Variants in UGT2B7 observed in about 807,000 individuals in gnomAD.
The protein encoded by UGT2B7 is UDP-glucuronosyltransferase 2B7.
UGT2B7 carries 51 observed loss-of-function variants against 51.9 expected under a neutral mutation model. That is an observed-to-expected ratio of 0.98 (90% confidence interval 0.78 to 1.24). The LOEUF is 1.24. Among genes scored for constraint, UGT2B7 ranks in the 50% most tolerant of loss-of-function variants. UGT2B7 has a pLI of 0.00. For synonymous variants in UGT2B7, 225 were observed against 211.6 expected (o/e 1.06, Z -0.55); for missense variants, 727 against 628.4 (o/e 1.16, Z -1.68).
At chr4:69,071,292 G>A (rs1245158674) in intron 1 of UGT2B7, among the ~76,000 whole-genome samples, 2 of 152,050 alleles carry the variant, frequency 1.3e-5, no homozygotes, top group African/African-American at 4.8e-5. Flanking sequence ...CTGGAATACT[G>A]AGGATATACA....
chr4:69,112,140 A>G (rs1464549997), intron 5 of UGT2B7, among the ~76,000 whole-genome samples: 1 of 152,236 alleles, frequency 6.6e-6, no homozygotes, highest in African/African-American at 2.4e-5. Context: ...TGTTATCTAT[A>G]GATTCCAGAC....
intron 5 of UGT2B7, among the ~76,000 whole-genome samples, chr4:69,111,684 A>G (rs1719778599): frequency 6.6e-6 from 1 of 152,210 alleles, no homozygotes; most frequent in Non-Finnish European, 1.5e-5. Flanking sequence ...ATAAATATAT[A>G]CACTTAATAT....
chr4:69,057,380 G>A (rs1718230287), intron 1 of UGT2B7, among the ~76,000 whole-genome samples: 1 of 152,144 alleles, frequency 6.6e-6, no homozygotes, highest in Admixed American at 6.5e-5. Context: ...ATTAATAATA[G>A]AGGAAATGTA....
intron 2 of UGT2B7, among the ~76,000 whole-genome samples, chr4:69,102,348 T>G (rs6600884): frequency 0.63 from 95,030 of 151,906 alleles, 31,206 homozygotes; most frequent in African/African-American, 0.81. Flanking sequence ...AACCACTAAC[T>G]GTTTCCAACT....
intron 2 of UGT2B7, among the ~76,000 whole-genome samples, chr4:69,090,091 T>C (rs55905314): frequency 0.16 from 24,190 of 152,176 alleles, 2,173 homozygotes; most frequent in Admixed American, 0.28. Flanking sequence ...GTCTTTCTTA[T>C]GAATTAGACT....
At chr4:69,088,598 C>T (rs1412645294) in intron 1 of UGT2B7, among the ~76,000 whole-genome samples, 1 of 152,090 alleles carries the variant, frequency 6.6e-6, no homozygotes, top group Non-Finnish European at 1.5e-5. Flanking sequence ...TATAAAAATA[C>T]CTGCCAAAGA....
chr4:69,058,837 C>G (rs1157863566), intron 1 of UGT2B7, among the ~76,000 whole-genome samples: 1 of 152,106 alleles, frequency 6.6e-6, no homozygotes, highest in African/African-American at 2.4e-5. Flanking sequence ...GGGAGGGAAG[C>G]TGGCTTTGCA....
intron 1 of UGT2B7, among the ~76,000 whole-genome samples, chr4:69,084,532 G>T (rs1469512010): frequency 6.6e-6 from 1 of 152,040 alleles, no homozygotes; most frequent in Non-Finnish European, 1.5e-5. Flanking sequence ...CATGTTCCAT[G>T]GTGGTTTGCT....
chr4:69,112,432 T>C (rs1719800454), intron 5 of UGT2B7, 25 bp from the exon 6 acceptor site: 1 of 1,606,172 alleles, frequency 6.2e-7, no homozygotes, highest in Non-Finnish European at 8.5e-7. Context: ...CCTGCTACAT[T>C]ACTGTCTTTA....
chr4:69,090,598 C>T (rs1719064530), intron 2 of UGT2B7, among the ~76,000 whole-genome samples: 1 of 152,034 alleles, frequency 6.6e-6, no homozygotes, highest in Non-Finnish European at 1.5e-5. Flanking sequence ...AGGAGAAAAG[C>T]ATGGAAAAGA....
At chr4:69,073,283 A>G (rs929362186) in intron 1 of UGT2B7, among the ~76,000 whole-genome samples, 33 of 152,176 alleles carry the variant, frequency 2.2e-4, no homozygotes, top group African/African-American at 8.0e-4. Context: ...AAAGCATATC[A>G]AGATGTCTCA....
intron 3 of UGT2B7, 99 bp downstream of exon 3, chr4:69,103,037 ACC>A: frequency 6.5e-7 from 1 of 1,528,782 alleles, no homozygotes; most frequent in Non-Finnish European, 8.7e-7. Context: ...TGTGAAGTTG[ACC>A]AAAAGTTGAA....
rs78965261 is a variant in UGT2B7, at chr4:69,107,951, G to A, written c.1091-152G>A. The A allele has an allele frequency of 3.1e-3, 2,962 of 944,498 alleles. 50 individuals carry two copies. In the African/African-American group the frequency reaches 0.041, roughly 13 times the overall value. 58.5% of individuals were successfully genotyped at this position (944,498 alleles called of 1,614,324 possible). ...CGTATAGCCTTCAGTTACATACCCAGTACAAGTACGTGTTTTTTCCTCCGA... is the reference window on the plus strand; with the variant it reads ...CGTATAGCCTTCAGTTACATACCCAATACAAGTACGTGTTTTTTCCTCCGA... On this transcript the variant is annotated intron_variant, in intron 4 of 5. Transcript: ENST00000305231.
At chr4:69,102,973 CT>C in intron 3 of UGT2B7, 35 bp downstream of exon 3, 1 of 1,592,180 alleles carries the variant, frequency 6.3e-7, no homozygotes, top group Non-Finnish European at 8.5e-7. Flanking sequence ...TGGAAAACTA[CT>C]GAAAGAGGCT....
At position 69,101,356 on chromosome 4, in the gene UGT2B7, C is replaced by T. The variant is rs540117182; in HGVS notation, c.871-1451C>T. ...AAATTTTATTTAAAAAAATTTTTTT[C>T]ATGCTTTTATAAAATTTCTTACATT... On this transcript the variant is annotated intron_variant, in intron 2 of 5. Coordinates refer to ENST00000305231, the MANE Select transcript of UGT2B7 (RefSeq NM_001074.4). 4.9e-4 allele frequency among the ~76,000 whole-genome samples: 74 copies of T among 151,796 alleles called. 1 individual carries two copies. In the South Asian group the frequency reaches 0.014, roughly 29 times the overall value.
intron 2 of UGT2B7, among the ~76,000 whole-genome samples, chr4:69,100,233 C>T (rs1250814457): frequency 6.6e-6 from 1 of 151,968 alleles, no homozygotes; most frequent in African/African-American, 2.4e-5. Context: ...AGATAATGAA[C>T]AATGCATGTA....
chr4:69,107,286 T>C (rs754541249), intron 4 of UGT2B7, 24 bp downstream of exon 4: 12 of 1,579,662 alleles, frequency 7.6e-6, no homozygotes, highest in South Asian at 1.1e-5. Context: ...GAACAAATAC[T>C]GAATATATTA....
intron 1 of UGT2B7, among the ~76,000 whole-genome samples, chr4:69,061,625 C>G (rs1248862426): frequency 1.3e-5 from 2 of 152,192 alleles, no homozygotes; most frequent in Non-Finnish European, 2.9e-5. Context: ...TCTTGGCCCC[C>G]AGATTTGCAA....
chr4:69,070,383 A>C (rs1000828074), intron 1 of UGT2B7, among the ~76,000 whole-genome samples: 44 of 149,718 alleles, frequency 2.9e-4, no homozygotes, highest in African/African-American at 1.1e-3. Flanking sequence ...CTAGATAAAG[A>C]ACCCTCTTCC....
Sources: allele counts gnomAD v4.1 joint callset (sites outside exome capture counted in the v4.1 genomes callset), GRCh38; gene constraint gnomAD v4.1.1; transcripts MANE v1.5; gene names NCBI Gene and HGNC (gene_info 2026-07-23, HGNC 2026-07-21).